ACAD9: variants seen among roughly 807,000 people sequenced by gnomAD.
The protein encoded by ACAD9 is acyl-CoA dehydrogenase family member 9.
Under a neutral mutation model 70.2 loss-of-function variants are expected in ACAD9, and 53 were observed. That is an observed-to-expected ratio of 0.75 (90% CI 0.61 to 0.95). The LOEUF is 0.95. ACAD9 is among the 40% of genes least tolerant of loss of function. The pLI, the probability that ACAD9 is intolerant of heterozygous loss-of-function variation, is 0.00. For missense variants in ACAD9, 777 were observed against 802.8 expected (o/e 0.97, Z 0.39); for synonymous variants, 313 against 312.1 (o/e 1.00, Z -0.03).
intron 12 of ACAD9, among the ~76,000 whole-genome samples, chr3:128,906,782 G>A (rs1171646314): frequency 6.6e-6 from 1 of 152,192 alleles, no homozygotes; most frequent in East Asian, 1.9e-4. Context: ...GCCCTGCTAG[G>A]TGGGCTGGGG....
intron 4 of ACAD9, among the ~76,000 whole-genome samples, chr3:128,896,162 A>T (rs1935562488): frequency 6.6e-6 from 1 of 152,172 alleles, no homozygotes; most frequent in African/African-American, 2.4e-5. Flanking sequence ...GCCCAAGACC[A>T]CTAGTCTGGG....
intron 6 of ACAD9, 43 bp from the exon 7 acceptor site, chr3:128,899,244 A>G (rs1367488602): frequency 1.2e-6 from 2 of 1,608,228 alleles, no homozygotes; most frequent in Non-Finnish European, 1.7e-6. Context: ...GGTGGGTCAC[A>G]TAGGGGTTTG....
chr3:128,910,065 C>T lies in ACAD9; in HGVS notation c.1608C>T (p.Ile536=). The T allele has an allele frequency of 6.2e-7, 1 of 1,614,008 alleles. No homozygotes were observed. Among genetic ancestry groups the T allele is most frequent in the Non-Finnish European group, 8.5e-7 (1 of 1,180,022 alleles). The change falls in exon 16 of 18, where the codon ATC becomes ATT. Residue 536 remains isoleucine (I), a synonymous_variant. Coordinates refer to ENST00000308982, the MANE Select transcript of ACAD9 (RefSeq NM_014049.5). ...EQLVLKRVAN[I]LINLYGMTAV... is the part of the protein sequence containing the mutation. ...TGGTACTGAAGCGGGTGGCCAACAT[C>T]CTCATCAACCTGTATGGCATGACGG...
At chr3:128,880,653 C>CT (rs1357515543) in intron 1 of ACAD9, among the ~76,000 whole-genome samples, 2 of 152,034 alleles carry the variant, frequency 1.3e-5, no homozygotes, top group East Asian at 3.9e-4. Context: ...TCCCACAGTG[C>CT]TGGGATTACA....
In ACAD9 at chr3:128,909,043, C is replaced by G. The variant is rs866688232; in HGVS notation, c.1429C>G (p.Arg477Gly). The G allele has an allele frequency of 1.9e-6, 3 of 1,613,988 alleles. No homozygotes were observed. In the African/African-American group the frequency reaches 4.0e-5, roughly 22 times the overall value. Residue 477 changes from arginine (R) to glycine (G), a missense_variant, in exon 14 of 18, where the codon CGA becomes GGA. Coordinates refer to ENST00000308982, the MANE Select transcript of ACAD9 (RefSeq NM_014049.5). The stretch of plus-strand genomic sequence containing the variant: ...CCGGAGGCTTCGGGACTCCCTGGGC[C>G]GAACTGTGGACCTGGGGCTGACAGG... Reference protein sequence around the residue: ...VGRRLRDSLGRTVDLGLTGNH... With the variant: ...VGRRLRDSLGGTVDLGLTGNH...
chr3:128,912,499 C>T lies in ACAD9; in HGVS notation c.1766-8C>T. ...AGATCACCCACCATCTCTCCTTTTC[C>T]TTCCCAGATGCTCCAGAAAACCTAG... On this transcript the variant is annotated splice_polypyrimidine_tract_variant and splice_region_variant and intron_variant, in intron 17 of 17. Transcript: ENST00000308982. The T allele has an allele frequency of 6.2e-7, 1 of 1,612,562 alleles. No individual in the cohort carries two copies. The highest frequency in any genetic ancestry group is 8.5e-7 in the Non-Finnish European group (1 of 1,178,688).
rs1217754875 is a variant in ACAD9 at position 128,910,142 on chromosome 3, A to T, written c.1685A>T (p.Asp562Val). ...ATCCGCATTGGGCTCCGCAACCACGACCACGAGGTGAGCCCAGCCCAGCCT... is the reference window on the plus strand; with the variant it reads ...ATCCGCATTGGGCTCCGCAACCACGTCCACGAGGTGAGCCCAGCCCAGCCT... The part of the protein sequence containing the change: ...RSIRIGLRNH[D>V]HEVLLANTFC... The change falls in exon 16 of 18, where the codon GAC becomes GTC. Residue 562 changes from aspartate (D) to valine (V), a missense_variant. Coordinates refer to ENST00000308982, the MANE Select transcript of ACAD9 (RefSeq NM_014049.5). 1.2e-6 allele frequency: 2 copies of T among 1,613,992 alleles called. No individual in the cohort carries two copies. The highest frequency in any genetic ancestry group is 3.3e-5 in the Admixed American group (2 of 60,012).
intron 16 of ACAD9, chr3:128,910,425 G>A (rs1936149918): frequency 1.5e-6 from 2 of 1,294,006 alleles, no homozygotes; most frequent in Non-Finnish European, 2.1e-6. Flanking sequence ...CCGCTGTGCT[G>A]GAGGGAGGCG....
chr3:128,912,855 C>T lies in ACAD9; in HGVS notation c.*248C>T. On this transcript the variant is annotated 3_prime_UTR_variant, in exon 18 of 18. Coordinates refer to ENST00000308982, the MANE Select transcript of ACAD9 (RefSeq NM_014049.5). ...GAGAGAGAGAATGGAATTGCTGACCCCTGGAACTGGCGGGTATTCTGGTCA... is the reference window on the plus strand; with the variant it reads ...GAGAGAGAGAATGGAATTGCTGACCTCTGGAACTGGCGGGTATTCTGGTCA... The T allele has an allele frequency of 1.5e-6, 1 of 655,632 alleles. No individual in the cohort carries two copies. The highest frequency in any genetic ancestry group is 2.9e-6 in the Non-Finnish European group (1 of 348,890). 40.6% of individuals were successfully genotyped at this position (655,632 alleles called of 1,614,324 possible).
intron 6 of ACAD9, 109 bp from the exon 7 acceptor site, chr3:128,899,178 T>C: frequency 1.7e-6 from 2 of 1,168,298 alleles, no homozygotes; most frequent in Non-Finnish European, 2.5e-6. Context: ...GGACCCTGCA[T>C]GTCTGGCCTG....
intron 17 of ACAD9, 53 bp from the exon 18 acceptor site, chr3:128,912,454 T>C (rs1179280295): frequency 2.0e-6 from 3 of 1,537,518 alleles, no homozygotes; most frequent in African/African-American, 1.4e-5. Context: ...CAGCCATGTT[T>C]GTCTTATCAC....
At chr3:128,903,677 C>T (rs1935808099) in intron 9 of ACAD9, among the ~76,000 whole-genome samples, 1 of 152,226 alleles carries the variant, frequency 6.6e-6, no homozygotes, top group Non-Finnish European at 1.5e-5. Context: ...GCCTGCACCA[C>T]CTCTGTCTGG....
chr3:128,909,370 C>T lies in ACAD9; in HGVS notation c.1512C>T (p.Asn504=), dbSNP rs772535479. ...LADSANKFEE[N]TYCFGRTVET... is the part of the protein sequence containing the mutation. ...ACAGTGCCAACAAGTTTGAGGAGAA[C>T]ACCTACTGCTTCGGCCGGACCGTGG... Residue 504 remains asparagine (N), a synonymous_variant, in exon 15 of 18, where the codon AAC becomes AAT. Coordinates refer to ENST00000308982, the MANE Select transcript of ACAD9 (RefSeq NM_014049.5). 1 of 1,614,214 alleles carries T rather than the reference C, an allele frequency of 6.2e-7. No homozygotes were observed. Among genetic ancestry groups the T allele is most frequent in the South Asian group, 1.1e-5 (1 of 91,088 alleles).
At chr3:128,903,286 C>T (rs533953956) in intron 9 of ACAD9, among the ~76,000 whole-genome samples, 66 of 152,282 alleles carry the variant, frequency 4.3e-4, no homozygotes, top group African/African-American at 1.6e-3. Context: ...GTTTTGGCTT[C>T]CCTCCATTTT....
At chr3:128,901,509 A>G (rs1223640411) in intron 8 of ACAD9, among the ~76,000 whole-genome samples, 160 bp downstream of exon 8, 1 of 152,194 alleles carries the variant, frequency 6.6e-6, no homozygotes, top group African/African-American at 2.4e-5. Context: ...GACACTGGAA[A>G]ATTGGCTGGC....
In ACAD9 at chr3:128,879,647, C is replaced by T. The variant is rs754354849; in HGVS notation, c.-45C>T. The T allele has an allele frequency of 5.0e-6, 8 of 1,609,028 alleles. No individual in the cohort carries two copies. In the Admixed American group the frequency reaches 1.2e-4, roughly 23 times the overall value. On this transcript the variant is annotated 5_prime_UTR_variant, in exon 1 of 18. Coordinates refer to ENST00000308982, the MANE Select transcript of ACAD9 (RefSeq NM_014049.5). ...CAGACGTGTGTGTGTCCCTGCGGCGCTAAGAAGGGGAGACTGAGGCTGAGG... is the reference window on the plus strand; with the variant it reads ...CAGACGTGTGTGTGTCCCTGCGGCGTTAAGAAGGGGAGACTGAGGCTGAGG...
intron 6 of ACAD9, chr3:128,898,627 G>A (rs1040664114): frequency 3.6e-5 from 10 of 275,136 alleles, no homozygotes; most frequent in African/African-American, 4.7e-5. Flanking sequence ...CTCAAACTCC[G>A]GGGCTCAAGT....
intron 2 of ACAD9, among the ~76,000 whole-genome samples, chr3:128,889,985 CTAA>C (rs1220877107): frequency 6.6e-6 from 1 of 152,084 alleles, no homozygotes; most frequent in Non-Finnish European, 1.5e-5. Context: ...CCATGCCCAG[CTAA>C]TAATTCTTAA....
chr3:128,895,049 G>GTA (rs1465334912), intron 3 of ACAD9, among the ~76,000 whole-genome samples: 7 of 151,410 alleles, frequency 4.6e-5, no homozygotes, highest in Non-Finnish European at 1.5e-5. Flanking sequence ...GCTAATTTTT[G>GTA]TATTTTTAGT....
Sources: allele counts gnomAD v4.1 joint callset (sites outside exome capture counted in the v4.1 genomes callset), GRCh38; gene constraint gnomAD v4.1.1; transcripts MANE v1.5; gene names NCBI Gene and HGNC (gene_info 2026-07-23, HGNC 2026-07-21).